The following UBTF variants were observed in gnomAD, a reference collection of about 807,000 sequenced individuals.
UBTF encodes upstream binding transcription factor.
Under a neutral mutation model 112.3 loss-of-function variants are expected in UBTF, and 8 were observed. That is an observed-to-expected ratio of 0.07 (90% confidence interval 0.04 to 0.13). UBTF has a LOEUF of 0.13. Among genes scored for constraint, UBTF ranks in the 10% least tolerant of loss-of-function variants. The pLI is 1.00. For synonymous variants in UBTF, 417 were observed against 373.1 expected, an observed-to-expected ratio of 1.12 and a Z score of -1.36; for missense variants, 457 against 982.1, an observed-to-expected ratio of 0.47 and a Z score of 7.15.
At chr17:44,209,320 CTGT>C in intron 17 of UBTF, 29 bp downstream of exon 17, 1 of 1,561,564 alleles carries the variant, frequency 6.4e-7, no homozygotes. Context: ...TGATGCCTCT[CTGT>C]TCCTTCCAAG....
At chr17:44,213,149 C>G in intron 6 of UBTF, 69 bp downstream of exon 6, 2 of 1,573,768 alleles carry the variant, frequency 1.3e-6, no homozygotes, top group Admixed American at 1.8e-5. Context: ...ACTCAAGGCT[C>G]TGGCCAGGGT....
At chr17:44,220,152 G>T, upstream of UBTF, among the ~76,000 whole-genome samples, 1 of 151,390 alleles carries the variant, frequency 6.6e-6, no homozygotes, top group Non-Finnish European at 1.5e-5. Flanking sequence ...GAGCCTAGGC[G>T]GGCGGGCGGG....
At chr17:44,212,107 T>G in intron 8 of UBTF, 101 bp from the exon 9 acceptor site, 1 of 1,252,670 alleles carries the variant, frequency 8.0e-7, no homozygotes. Context: ...GGAGCAAAGC[T>G]GGGGGTGGCT....
intron 6 of UBTF, 99 bp from the exon 7 acceptor site, chr17:44,213,038 G>C (rs1487896999): frequency 1.9e-5 from 29 of 1,564,064 alleles, no homozygotes; most frequent in Middle Eastern, 1.8e-4. Flanking sequence ...CTTTCAGCTG[G>C]GGCTCAGTGG....
Position 44,207,221 on chromosome 17 carries a change from G to A in UBTF, c.*21C>T. On this transcript the variant is annotated 3_prime_UTR_variant, in exon 21 of 21. Transcript: ENST00000436088. The stretch of plus-strand genomic sequence containing the variant: ...GGGAGCTCCTGGGCTCTCCCTGGCT[G>A]CCCTGGGGTGGGGCTGAGCCTCAGT... The A allele has an allele frequency of 6.2e-7, 1 of 1,613,132 alleles. No individual in the cohort carries two copies. Among genetic ancestry groups the A allele is most frequent in the Non-Finnish European group, 8.5e-7 (1 of 1,179,720 alleles).
At chr17:44,210,026 G>A (rs1285596969) in intron 15 of UBTF, 98 bp downstream of exon 15, 14 of 1,275,440 alleles carry the variant, frequency 1.1e-5, no homozygotes, top group Middle Eastern at 2.1e-4. Context: ...CTTGCTGAGA[G>A]TCACAGACCA....
chr17:44,215,491 AGG>A, intron 5 of UBTF, 161 bp downstream of exon 5: 1 of 838,084 alleles, frequency 1.2e-6, no homozygotes, highest in South Asian at 1.7e-5. Flanking sequence ...GTGTGGGCCG[AGG>A]AAGGGGCAAT....
Position 44,216,041 on chromosome 17 carries a change from C to T in UBTF, c.235-52G>A, listed in dbSNP as rs147152772. The T allele has an allele frequency of 2.8e-4, 401 of 1,414,816 alleles. 3 individuals carry two copies. In the African/African-American group the frequency reaches 5.0e-3, roughly 18 times the overall value. 87.6% of individuals were successfully genotyped at this position (1,414,816 alleles called of 1,614,324 possible). A position where few individuals can be genotyped will look rare whatever the true frequency, so the allele number is the denominator to read the frequency against. On this transcript the variant is annotated intron_variant, in intron 3 of 20. Coordinates refer to ENST00000436088, the MANE Select transcript of UBTF (RefSeq NM_014233.4). The stretch of plus-strand genomic sequence containing the variant: ...GGAAGTTGGGAAAAGGAAAATGCCA[C>T]ACAGTAGTATACCCCCATCTTATAA...
upstream of UBTF, chr17:44,220,594 G>A (rs1358830813): frequency 3.3e-5 from 5 of 152,144 alleles, no homozygotes; most frequent in Non-Finnish European, 7.3e-5. Context: ...GGGAACGACG[G>A]GCTCCGGCGG....
intron 3 of UBTF, chr17:44,216,195 C>A (rs1006683756): frequency 1.6e-6 from 1 of 612,684 alleles, no homozygotes; most frequent in Non-Finnish European, 2.9e-6. Context: ...GCAGTCAGTA[C>A]ACACCAAAGG....
In UBTF at chr17:44,207,332, CTCG is replaced by C. The variant is rs777305639; in HGVS notation, c.2202_2204del (p.Asp734del). ...CATTATCTTCATCCTCATCGTCATC[CTCG>C]TCGTCGTCTTCGTCCTCGTCATCCT... On this transcript the variant is annotated inframe_deletion, in exon 21 of 21. Transcript: ENST00000436088. 3.6e-4 allele frequency: 584 copies of C among 1,612,538 alleles called. No individual in the cohort carries two copies. Among genetic ancestry groups the C allele is most frequent in the African/African-American group, 8.5e-4 (64 of 74,930 alleles).
intron 17 of UBTF, 167 bp downstream of exon 17, chr17:44,209,184 AT>A (rs1397680534): frequency 1.2e-4 from 83 of 681,432 alleles, no homozygotes; most frequent in South Asian, 6.7e-4. Context: ...AAAAAAAAAA[AT>A]AAAAATAAAA....
intron 1 of UBTF, among the ~76,000 whole-genome samples, chr17:44,218,748 C>A (rs928104708): frequency 6.6e-6 from 1 of 151,638 alleles, no homozygotes; most frequent in Non-Finnish European, 1.5e-5. Flanking sequence ...CCGCCTCCCC[C>A]CGGCCGGTTC....
At chr17:44,218,954 G>A (rs1416127802) in intron 1 of UBTF, 3 of 47,518 alleles carry the variant, frequency 6.3e-5, no homozygotes, top group African/African-American at 1.7e-4. Context: ...CCCCGCCCCC[G>A]AGCCACCCAC....
intron 7 of UBTF, among the ~76,000 whole-genome samples, 172 bp downstream of exon 7, chr17:44,212,645 ACG>A (rs2056765025): frequency 1.3e-5 from 2 of 152,074 alleles, no homozygotes; most frequent in Non-Finnish European, 2.9e-5. Flanking sequence ...TCATACACGC[ACG>A]CACACACGCA....
rs1243113690 is a variant in UBTF at position 44,210,872 on chromosome 17, C to T, written c.1279G>A (p.Glu427Lys). The change falls in exon 13 of 21, where the codon GAG (glutamate) becomes AAG (lysine). Residue 427 changes from glutamate (E) to lysine (K), a missense_variant. Physicochemically the swap from Glu to Lys is moderately conservative, Grantham distance 56. This residue lies in a region of UBTF where 108 missense variants were observed against 137.4 expected (regional missense o/e 0.79). Transcript: ENST00000436088. ...CTCTCGGAGAGCTCAGGCCGCTCCTCCTGCAGCTGCCGCCGTTTCTCCTCC... is the reference window on the plus strand; with the variant it reads ...CTCTCGGAGAGCTCAGGCCGCTCCTTCTGCAGCTGCCGCCGTTTCTCCTCC... ...FSEEKRRQLQ[E>K]ERPELSESEL... is the part of the protein sequence containing the mutation. The T allele has an allele frequency of 1.3e-6, 2 of 1,586,768 alleles. No individual in the cohort carries two copies. The highest frequency in any genetic ancestry group is 2.3e-5 in the South Asian group (2 of 88,308).
intron 1 of UBTF, chr17:44,218,673 A>C (rs2046985324): frequency 6.5e-6 from 1 of 155,024 alleles, no homozygotes; most frequent in Non-Finnish European, 1.4e-5. Context: ...GGGCGGGGGA[A>C]GAGGAAGGGC....
chr17:44,216,739 T>C, intron 2 of UBTF, 35 bp from the exon 3 acceptor site: 1 of 1,607,754 alleles, frequency 6.2e-7, no homozygotes, highest in Non-Finnish European at 8.5e-7. Context: ...CATGCCTGGC[T>C]CATGCTATCC....
chr17:44,209,204 G>T, intron 17 of UBTF, 148 bp downstream of exon 17: 1 of 769,154 alleles, frequency 1.3e-6, no homozygotes, highest in East Asian at 2.9e-5. Context: ...AAGGGTGATA[G>T]TGACCGTTAT....
Sources: allele counts gnomAD v4.1 joint callset (sites outside exome capture counted in the v4.1 genomes callset), GRCh38; gene constraint gnomAD v4.1.1; regional missense constraint gnomAD v4.1.1; transcripts MANE v1.5; gene names NCBI Gene and HGNC (gene_info 2026-07-23, HGNC 2026-07-21).